Variants in CD58 observed in about 807,000 individuals in gnomAD.
CD58 encodes lymphocyte function-associated antigen 3.
CD58 carries 14 observed loss-of-function variants against 27.6 expected under a neutral mutation model. That is an observed-to-expected ratio of 0.51 (90% CI 0.34 to 0.79). The LOEUF is 0.79. CD58 is among the 30% of genes least tolerant of loss of function. CD58 has a pLI of 0.02. For synonymous variants in CD58, 117 were observed against 103.8 expected (o/e 1.13, Z -0.77); for missense variants, 268 against 301.7 (o/e 0.89, Z 0.83).
rs1040980577 is a variant in CD58, at chr1:116,563,752, G to C, written c.70+7151C>G. Reference sequence around the variant, plus strand: ...ATGTTTGGAGGCTGCAAAGAGCAGGGGGGCCCTGGGTCCAGCCCATGAAAC... The same window carrying C: ...ATGTTTGGAGGCTGCAAAGAGCAGGCGGGCCCTGGGTCCAGCCCATGAAAC... On this transcript the variant is annotated intron_variant, in intron 1 of 5. Transcript: ENST00000369489. This position sits in a 1 kb window ranked among gnomAD's most constrained non-coding sequence, Gnocchi z 4.1. Among the ~76,000 whole-genome samples, 1 of 152,208 alleles carries C rather than the reference G, an allele frequency of 6.6e-6. No homozygotes were observed. Among genetic ancestry groups the C allele is most frequent in the African/African-American group, 2.4e-5 (1 of 41,456 alleles).
intron 3 of CD58, chr1:116,533,185 C>T (rs1332189097): frequency 8.0e-6 from 6 of 752,758 alleles, no homozygotes; most frequent in South Asian, 1.4e-5. Flanking sequence ...AGTGATTCTC[C>T]GTCCCCAGAT....
At chr1:116,560,121 T>C (rs1034800123) in intron 1 of CD58, 16 of 152,254 alleles carry the variant, frequency 1.1e-4, no homozygotes, top group Admixed American at 8.5e-4. Context: ...CATGTCGAAA[T>C]GAAAATATTA....
At chr1:116,568,152 G>T (rs1659006130) in intron 1 of CD58, among the ~76,000 whole-genome samples, 1 of 151,924 alleles carries the variant, frequency 6.6e-6, no homozygotes, top group Non-Finnish European at 1.5e-5. Flanking sequence ...TGGCTTCTGG[G>T]TTCTCTACCA....
intron 1 of CD58, among the ~76,000 whole-genome samples, chr1:116,551,696 C>T (rs1364380958): frequency 6.6e-6 from 1 of 150,684 alleles, no homozygotes; most frequent in East Asian, 1.9e-4. Flanking sequence ...GCATAAAAGG[C>T]CTAGTTTTCA....
At chr1:116,551,612 G>A (rs1658395799) in intron 1 of CD58, among the ~76,000 whole-genome samples, 1 of 151,918 alleles carries the variant, frequency 6.6e-6, no homozygotes, top group Non-Finnish European at 1.5e-5. Flanking sequence ...TCTTATTTAT[G>A]TGTTCACTGA....
chr1:116,535,827 C>T (rs1194488290), intron 3 of CD58, 138 bp downstream of exon 3: 29 of 443,848 alleles, frequency 6.5e-5, no homozygotes, highest in Middle Eastern at 6.8e-4. Context: ...GGCGACAGAG[C>T]GAGACTCTGT....
chr1:116,519,079 ATACAC>A lies in CD58; in HGVS notation c.743+147_743+151del, dbSNP rs551421497. The A allele has an allele frequency of 5.2e-4, 759 of 1,462,776 alleles. 17 individuals are homozygous for A. Among genetic ancestry groups the A allele is most frequent in the South Asian group, 4.1e-3 (295 of 71,846 alleles). 90.6% of individuals were successfully genotyped at this position (1,462,776 alleles called of 1,614,324 possible). Reference sequence around the variant, plus strand: ...GTGCATGGCACACAGTTGGTACTTAATACACTATGGTTAGTATATCTGCTGATGTT... The same window carrying A: ...GTGCATGGCACACAGTTGGTACTTAATATGGTTAGTATATCTGCTGATGTT... On this transcript the variant is annotated intron_variant, in intron 5 of 5. Transcript: ENST00000369489. This position sits in a 1 kb window ranked among gnomAD's most constrained non-coding sequence, Gnocchi z 4.7.
At chr1:116,540,141 A>T (rs1051868152) in intron 2 of CD58, among the ~76,000 whole-genome samples, 1 of 152,170 alleles carries the variant, frequency 6.6e-6, no homozygotes, top group African/African-American at 2.4e-5. Flanking sequence ...TAGAAATTTT[A>T]AGGGGACTTT....
intron 1 of CD58, among the ~76,000 whole-genome samples, chr1:116,555,616 G>A (rs1200070943): frequency 6.6e-6 from 1 of 152,182 alleles, no homozygotes; most frequent in Non-Finnish European, 1.5e-5. Flanking sequence ...AGCACTACAT[G>A]TATAGAGTGA....
intron 1 of CD58, among the ~76,000 whole-genome samples, chr1:116,561,874 A>G (rs1309924143): frequency 6.6e-6 from 1 of 152,222 alleles, no homozygotes; most frequent in East Asian, 1.9e-4. Flanking sequence ...TTAAATAAAA[A>G]CATCTCAAAT....
chr1:116,546,790 T>C lies in CD58; in HGVS notation c.71-2186A>G, dbSNP rs1453878690. On this transcript the variant is annotated intron_variant, in intron 1 of 5. Transcript: ENST00000369489. This position sits in a 1 kb window ranked among gnomAD's most constrained non-coding sequence, Gnocchi z 4.1. ...GACTGCAGCTCAGAAGAAATCAAAG[T>C]ACAGTTGACCCTTGAACAACATGGG... Among the ~76,000 whole-genome samples the C allele has an allele frequency of 6.6e-6, 1 of 152,098 alleles. No homozygotes were observed. Among genetic ancestry groups the C allele is most frequent in the Admixed American group, 6.6e-5 (1 of 15,266 alleles).
chr1:116,565,263 C>T (rs934714958), intron 1 of CD58, among the ~76,000 whole-genome samples: 1 of 152,232 alleles, frequency 6.6e-6, no homozygotes, highest in African/African-American at 2.4e-5. Context: ...ACTTTATCTA[C>T]AGGATCCAAC....
At position 116,517,829 on chromosome 1, in the gene CD58, C is replaced by T. The variant is rs193199119; in HGVS notation, c.743+1402G>A. ...ACGCTCCAATTCTGTGCATGGACAT[C>T]ACTAGCCAGGTAATACACCAGCACC... On this transcript the variant is annotated intron_variant, in intron 5 of 5. Transcript: ENST00000369489. This position sits in a 1 kb window ranked among gnomAD's most constrained non-coding sequence, Gnocchi z 6.5. 4.5e-4 allele frequency among the ~76,000 whole-genome samples: 69 copies of T among 152,306 alleles called. No individual in the cohort carries two copies. Among genetic ancestry groups the T allele is most frequent in the Non-Finnish European group, 1.3e-4 (9 of 68,014 alleles).
intron 2 of CD58, among the ~76,000 whole-genome samples, chr1:116,537,639 A>T (rs1452788690): frequency 6.6e-6 from 1 of 152,234 alleles, no homozygotes; most frequent in Non-Finnish European, 1.5e-5. Context: ...TGGACCTACA[A>T]GGATGAGTTA....
intron 1 of CD58, among the ~76,000 whole-genome samples, chr1:116,548,070 T>G (rs1425253756): frequency 1.3e-5 from 2 of 152,256 alleles, no homozygotes; most frequent in Non-Finnish European, 2.9e-5. Context: ...GAGCATTTTT[T>G]CATATGTTTG....
rs1657322934 is a variant in CD58, at chr1:116,523,202, A to G, written c.629-1219T>C. ...GCCTTACTTAATATACCATAAGGCA[A>G]AAACAACCTAAGTTGTTTTCACAGC... On this transcript the variant is annotated intron_variant, in intron 3 of 5. Coordinates refer to ENST00000369489, the MANE Select transcript of CD58 (RefSeq NM_001779.3). This position sits in a 1 kb window ranked among gnomAD's most constrained non-coding sequence, Gnocchi z 4.4. Among the ~76,000 whole-genome samples the G allele has an allele frequency of 6.6e-6, 1 of 152,222 alleles. No homozygotes were observed. The highest frequency in any genetic ancestry group is 1.5e-5 in the Non-Finnish European group (1 of 68,032).
chr1:116,570,294 A>G lies in CD58; in HGVS notation c.70+609T>C, dbSNP rs977139672. Among the ~76,000 whole-genome samples, 1 of 152,174 alleles carries G rather than the reference A, an allele frequency of 6.6e-6. No individual in the cohort carries two copies. Among genetic ancestry groups the G allele is most frequent in the African/African-American group, 2.4e-5 (1 of 41,430 alleles). On this transcript the variant is annotated intron_variant, in intron 1 of 5. Coordinates refer to ENST00000369489, the MANE Select transcript of CD58 (RefSeq NM_001779.3). The surrounding 1 kb of genome is among the most constrained non-coding windows in gnomAD (Gnocchi z 6.4). ...TTCTGATACTAGTTTTTAGGATTTG[A>G]GGGGAGGAAAAAGGAGCAGGAGTCG...
Position 116,550,397 on chromosome 1 carries a change from G to C in CD58, c.71-5793C>G, listed in dbSNP as rs1658351844. Among the ~76,000 whole-genome samples the C allele has an allele frequency of 6.6e-6, 1 of 152,130 alleles. No individual in the cohort carries two copies. ...ACAATGTTCACAGCATCTTCACCAG[G>C]AGTATAGATGCCATCTGAAGAAACC... On this transcript the variant is annotated intron_variant, in intron 1 of 5. Coordinates refer to ENST00000369489, the MANE Select transcript of CD58 (RefSeq NM_001779.3). The surrounding 1 kb of genome is among the most constrained non-coding windows in gnomAD (Gnocchi z 4.2).
rs189457804 is a variant in CD58, at chr1:116,558,500, A to C, written c.70+12403T>G. On this transcript the variant is annotated intron_variant, in intron 1 of 5. Coordinates refer to ENST00000369489, the MANE Select transcript of CD58 (RefSeq NM_001779.3). Reference sequence around the variant, plus strand: ...TATCTACACACCCATATATGCATTTATAGTATTGAGGAGCGGCCAATCTCC... The same window carrying C: ...TATCTACACACCCATATATGCATTTCTAGTATTGAGGAGCGGCCAATCTCC... Among the ~76,000 whole-genome samples the C allele has an allele frequency of 2.3e-3, 344 of 152,336 alleles. 2 individuals carry two copies. The highest frequency in any genetic ancestry group is 4.0e-3 in the Non-Finnish European group (274 of 68,034).
Sources: allele counts gnomAD v4.1 joint callset (sites outside exome capture counted in the v4.1 genomes callset), GRCh38; gene constraint gnomAD v4.1.1; non-coding constraint Gnocchi (gnomAD v3.1); transcripts MANE v1.5; gene names NCBI Gene and HGNC (gene_info 2026-07-23, HGNC 2026-07-21).